Variants in EXOC6B observed in about 807,000 individuals in gnomAD.
The protein encoded by EXOC6B is exocyst complex component 6B, also known as SEC15 homolog B.
A neutral mutation model predicts 113.5 loss-of-function variants in EXOC6B; 54 were observed. That is an observed-to-expected ratio of 0.48 (90% CI 0.38 to 0.60). The LOEUF is 0.60. EXOC6B is among the 20% of genes least tolerant of loss of function. The pLI is 0.00. For synonymous variants in EXOC6B, 357 were observed against 339.0 expected, an observed-to-expected ratio of 1.05 and a Z score of -0.58; for missense variants, 797 against 977.5, an observed-to-expected ratio of 0.82 and a Z score of 2.46.
rs73945605 is a variant in EXOC6B, at chr2:72,613,552, G to A, written c.670-37884C>T. 1.9e-3 allele frequency among the ~76,000 whole-genome samples: 287 copies of A among 152,050 alleles called. 1 individual carries two copies. Among genetic ancestry groups the A allele is most frequent in the African/African-American group, 5.9e-3 (243 of 41,496 alleles). ...ACAAAAACAAAGTATAAATCAGACA[G>A]GGTCATAAAATCTAAAATAAGGAAT... On this transcript the variant is annotated intron_variant, in intron 6 of 21. Transcript: ENST00000272427.
At chr2:72,405,591 C>A (rs895753848) in intron 18 of EXOC6B, among the ~76,000 whole-genome samples, 2 of 152,130 alleles carry the variant, frequency 1.3e-5, no homozygotes, top group African/African-American at 2.4e-5. Flanking sequence ...AATTTCATAT[C>A]CAGCAAAACG....
At chr2:72,611,852 T>C (rs1034699724) in intron 6 of EXOC6B, among the ~76,000 whole-genome samples, 1 of 152,096 alleles carries the variant, frequency 6.6e-6, no homozygotes, top group Non-Finnish European at 1.5e-5. Flanking sequence ...ATATAACAGT[T>C]TAAATGTAAA....
chr2:72,436,851 C>T (rs1021639525), intron 18 of EXOC6B, among the ~76,000 whole-genome samples: 2 of 152,072 alleles, frequency 1.3e-5, no homozygotes, highest in African/African-American at 4.8e-5. Flanking sequence ...AGATCATGCT[C>T]CTTTAGCTCA....
intron 17 of EXOC6B, among the ~76,000 whole-genome samples, chr2:72,468,451 A>C (rs1698194214): frequency 6.6e-6 from 1 of 152,166 alleles, no homozygotes; most frequent in African/African-American, 2.4e-5. Context: ...GTCAAAAATT[A>C]ACTGACTGTA....
chr2:72,397,631 A>AT lies in EXOC6B; in HGVS notation c.1981-17762_1981-17761insA, dbSNP rs1558625663. On this transcript the variant is annotated intron_variant, in intron 18 of 21. Coordinates refer to ENST00000272427, the MANE Select transcript of EXOC6B (RefSeq NM_015189.3). ...AAACCTCATCTCAAAAAAAAAAAAT[A>AT]AAATAAAATAAAATAAAATAAAATA... Among the ~76,000 whole-genome samples the AT allele has an allele frequency of 6.2e-4, 71 of 115,178 alleles. 4 individuals are homozygous for AT. The highest frequency in any genetic ancestry group is 3.4e-3 in the African/African-American group (70 of 20,536). The allele number at this position is 115,178 out of a possible 152,430, so 75.6% of individuals were successfully genotyped here. A position where few individuals can be genotyped will look rare whatever the true frequency, so the allele number is the denominator to read the frequency against.
chr2:72,324,749 C>A (rs1688029981), intron 20 of EXOC6B, among the ~76,000 whole-genome samples: 1 of 152,032 alleles, frequency 6.6e-6, no homozygotes, highest in Non-Finnish European at 1.5e-5. Context: ...GCCCTGCCAC[C>A]CAGTAGAGGG....
intron 7 of EXOC6B, among the ~76,000 whole-genome samples, chr2:72,561,125 C>T (rs1436188242): frequency 6.6e-6 from 1 of 151,970 alleles, no homozygotes; most frequent in East Asian, 1.9e-4. Context: ...TTTATCTTGA[C>T]AGAAAACCAG....
chr2:72,574,640 C>T (rs1704722541), intron 7 of EXOC6B, among the ~76,000 whole-genome samples: 1 of 152,112 alleles, frequency 6.6e-6, no homozygotes, highest in Admixed American at 6.5e-5. Flanking sequence ...TGATTCCTTA[C>T]ATGTCAGTGG....
intron 6 of EXOC6B, among the ~76,000 whole-genome samples, chr2:72,651,734 T>C (rs965418969): frequency 6.6e-6 from 1 of 152,148 alleles, no homozygotes; most frequent in Non-Finnish European, 1.5e-5. Context: ...TAGCTGGGAC[T>C]ACAGGCACCT....
At chr2:72,597,575 A>G (rs1449945693) in intron 6 of EXOC6B, among the ~76,000 whole-genome samples, 1 of 152,002 alleles carries the variant, frequency 6.6e-6, no homozygotes, top group Non-Finnish European at 1.5e-5. Flanking sequence ...TAAATATAGT[A>G]GCTATTAATC....
At chr2:72,195,890 T>C (rs1679138680) in intron 20 of EXOC6B, among the ~76,000 whole-genome samples, 1 of 152,208 alleles carries the variant, frequency 6.6e-6, no homozygotes, top group South Asian at 2.1e-4. Flanking sequence ...TTAACCTGAG[T>C]ACATATTGTG....
intron 1 of EXOC6B, among the ~76,000 whole-genome samples, chr2:72,760,895 T>C (rs566769131): frequency 5.9e-5 from 9 of 152,232 alleles, no homozygotes; most frequent in African/African-American, 1.9e-4. Context: ...AAATGACATA[T>C]GATGCCAGGC....
intron 6 of EXOC6B, among the ~76,000 whole-genome samples, chr2:72,711,968 G>A (rs1679301193): frequency 1.3e-5 from 2 of 152,262 alleles, no homozygotes; most frequent in South Asian, 4.1e-4. Flanking sequence ...CTGGATAACT[G>A]AAACCATGAA....
intron 11 of EXOC6B, among the ~76,000 whole-genome samples, chr2:72,508,149 C>A (rs1321263231): frequency 5.1e-4 from 24 of 47,134 alleles, no homozygotes; most frequent in East Asian, 1.6e-3. Flanking sequence ...AAACCTTCCA[C>A]AAAATATTAC....
At chr2:72,235,659 T>G (rs1272270101) in intron 20 of EXOC6B, among the ~76,000 whole-genome samples, 1 of 152,166 alleles carries the variant, frequency 6.6e-6, no homozygotes, top group Non-Finnish European at 1.5e-5. Context: ...GTATGGGACT[T>G]TCCCATTTAT....
intron 16 of EXOC6B, 36 bp from the exon 17 acceptor site, chr2:72,480,786 C>T: frequency 1.3e-6 from 2 of 1,575,770 alleles, no homozygotes; most frequent in Non-Finnish European, 8.6e-7. Context: ...AGTCATTTAA[C>T]TACTCACCCC....
intron 7 of EXOC6B, among the ~76,000 whole-genome samples, chr2:72,559,895 T>C (rs1703795546): frequency 6.6e-6 from 1 of 152,182 alleles, no homozygotes; most frequent in South Asian, 2.1e-4. Flanking sequence ...AAAGACATGA[T>C]AGTGTACATA....
At chr2:72,812,537 A>G (rs1201941427) in intron 1 of EXOC6B, among the ~76,000 whole-genome samples, 2 of 152,120 alleles carry the variant, frequency 1.3e-5, no homozygotes, top group Non-Finnish European at 2.9e-5. Flanking sequence ...CTAAAAACAT[A>G]TAAGGTGGCC....
At chr2:72,234,146 G>A (rs1425827811) in intron 20 of EXOC6B, among the ~76,000 whole-genome samples, 1 of 150,008 alleles carries the variant, frequency 6.7e-6, no homozygotes, top group East Asian at 2.0e-4. Flanking sequence ...GAGTGCAGTG[G>A]TGCAATCTCA....
Sources: gnomAD v4.1 joint callset for allele counts (sites outside exome capture counted in the v4.1 genomes callset) on GRCh38, gnomAD v4.1.1 for gene constraint, MANE v1.5 for transcripts, NCBI Gene and HGNC (gene_info 2026-07-23, HGNC 2026-07-21) for gene names.